The following OCA2 variants were observed in gnomAD, a reference collection of about 807,000 sequenced individuals.
OCA2 encodes P protein.
A neutral mutation model predicts 100.2 loss-of-function variants in OCA2; 77 were observed. The observed-to-expected ratio is 0.77, with a 90% CI of 0.64 to 0.93. The LOEUF (loss-of-function observed/expected upper bound fraction) is 0.93, where lower values mean the gene tolerates loss of function less well. Ranked by LOEUF, OCA2 falls within the 40% of genes least tolerant of loss-of-function variation. OCA2 has a pLI of 0.00. For missense variants in OCA2, 1,062 were observed against 1,089.1 expected (o/e 0.98, Z 0.35); for synonymous variants, 432 against 439.2 (o/e 0.98, Z 0.21).
rs1226502822 is a variant in OCA2 at position 27,955,156 on chromosome 15, A to T, written c.1842+2T>A. The T allele has an allele frequency of 1.9e-6, 3 of 1,605,666 alleles. No individual in the cohort carries two copies. In the African/African-American group the frequency reaches 4.0e-5, roughly 21 times the overall value. On this transcript the variant is annotated splice_donor_variant, in intron 17 of 23. Transcript: ENST00000354638. LOFTEE classifies it high-confidence loss of function. ...AATCCCTGAGGAAAGAAAGCTGGGT[A>T]CCTTTTTTTGGAGTTCTTGGATATT...
chr15:27,895,852 G>A (rs150092273), intron 19 of OCA2: 11 of 541,892 alleles, frequency 2.0e-5, no homozygotes, highest in Middle Eastern at 5.8e-4. Context: ...CCAAATACAG[G>A]ATGATAGTTT....
intron 23 of OCA2, among the ~76,000 whole-genome samples, chr15:27,821,464 A>C (rs909106209): frequency 6.6e-6 from 1 of 152,212 alleles, no homozygotes; most frequent in African/African-American, 2.4e-5. Context: ...GCACACATGC[A>C]GGCACAACTA....
At chr15:27,999,054 T>G in intron 9 of OCA2, among the ~76,000 whole-genome samples, 16 of 142,914 alleles carry the variant, frequency 1.1e-4, no homozygotes, top group Admixed American at 2.1e-4. Flanking sequence ...TGTTGTGGGG[T>G]GGGGAGAGGG....
At chr15:28,049,158 G>A (rs953098093) in intron 2 of OCA2, among the ~76,000 whole-genome samples, 1 of 152,094 alleles carries the variant, frequency 6.6e-6, no homozygotes, top group Non-Finnish European at 1.5e-5. Flanking sequence ...ATTTTTAAAT[G>A]GGCGAAAGAC....
At position 27,897,066 on chromosome 15, in the gene OCA2, T is replaced by A. The variant is rs1323552937; in HGVS notation, c.2080-25144A>T. On this transcript the variant is annotated intron_variant, in intron 19 of 23. Coordinates refer to ENST00000354638, the MANE Select transcript of OCA2 (RefSeq NM_000275.3). The stretch of plus-strand genomic sequence containing the variant: ...TTAGCCGGGTGTGGTGGTGGGTGCC[T>A]GTAGTCCTAGCTACTCGGGAGGCTG... Among the ~76,000 whole-genome samples, 3 of 151,994 alleles carry A rather than the reference T, an allele frequency of 2.0e-5. No homozygotes were observed. In the South Asian group the frequency reaches 6.2e-4, roughly 32 times the overall value.
At chr15:27,995,639 C>T (rs1323353920) in intron 9 of OCA2, among the ~76,000 whole-genome samples, 1 of 151,822 alleles carries the variant, frequency 6.6e-6, no homozygotes, top group African/African-American at 2.4e-5. Flanking sequence ...ATCCTCCTGC[C>T]TCAACCTCCT....
chr15:27,834,062 C>T (rs2151326564), intron 23 of OCA2, among the ~76,000 whole-genome samples: 1 of 152,148 alleles, frequency 6.6e-6, no homozygotes, highest in South Asian at 2.1e-4. Flanking sequence ...TCTTGGGGGC[C>T]CTAGATGGCT....
intron 1 of OCA2, among the ~76,000 whole-genome samples, chr15:28,091,329 A>G (rs1347012465): frequency 6.6e-6 from 1 of 152,190 alleles, no homozygotes; most frequent in Non-Finnish European, 1.5e-5. Context: ...TATGAAGACA[A>G]TATTACCCTG....
At chr15:27,906,290 C>A (rs564371292) in intron 19 of OCA2, among the ~76,000 whole-genome samples, 1 of 152,056 alleles carries the variant, frequency 6.6e-6, no homozygotes, top group East Asian at 1.9e-4. Flanking sequence ...ACATGTCCCC[C>A]ATAAATATGC....
chr15:27,733,665 G>A, the OCA2 span, among the ~76,000 whole-genome samples: 1 of 152,078 alleles, frequency 6.6e-6, no homozygotes, highest in Non-Finnish European at 1.5e-5. Context: ...TGTGTCCTGA[G>A]CATCTAAAGC....
At chr15:28,068,853 T>C (rs778899075) in intron 2 of OCA2, among the ~76,000 whole-genome samples, 3 of 152,178 alleles carry the variant, frequency 2.0e-5, no homozygotes, top group Non-Finnish European at 4.4e-5. Context: ...TATGATCATC[T>C]CAATAGATGC....
chr15:27,721,535 A>T, the OCA2 span, among the ~76,000 whole-genome samples: 1 of 152,232 alleles, frequency 6.6e-6, no homozygotes, highest in South Asian at 2.1e-4. Context: ...CAACAGCTGC[A>T]CTTCACTGTA....
At chr15:27,804,952 A>G (rs2033766638) in intron 23 of OCA2, among the ~76,000 whole-genome samples, 1 of 152,210 alleles carries the variant, frequency 6.6e-6, no homozygotes, top group Non-Finnish European at 1.5e-5. Flanking sequence ...CCACTATGGC[A>G]GACCCCCGCT....
chr15:27,803,546 A>T (rs898066848), intron 23 of OCA2, among the ~76,000 whole-genome samples: 1 of 152,224 alleles, frequency 6.6e-6, no homozygotes, highest in Non-Finnish European at 1.5e-5. Context: ...GTTCATAGGG[A>T]CAGAACAGAA....
the OCA2 span, among the ~76,000 whole-genome samples, chr15:27,742,906 GC>G: frequency 1.1e-4 from 16 of 152,312 alleles, no homozygotes; most frequent in African/African-American, 3.8e-4. Context: ...CTTAATGAAA[GC>G]CCCTGGAGGC....
intron 9 of OCA2, among the ~76,000 whole-genome samples, chr15:28,008,607 C>G (rs1287975637): frequency 2.6e-5 from 4 of 152,182 alleles, no homozygotes; most frequent in Non-Finnish European, 5.9e-5. Flanking sequence ...TATAAATGAC[C>G]CTGTCTCCTT....
chr15:27,862,476 C>T (rs56328034), intron 21 of OCA2, among the ~76,000 whole-genome samples: 35,276 of 141,718 alleles, frequency 0.25, 5,028 homozygotes, highest in East Asian at 0.56. Context: ...CCTCCTCAGA[C>T]ATTTTTTTTT....
chr15:27,949,855 C>G (rs1229843909), intron 18 of OCA2, among the ~76,000 whole-genome samples: 1 of 152,142 alleles, frequency 6.6e-6, no homozygotes, highest in East Asian at 1.9e-4. Flanking sequence ...GCCAATCAAA[C>G]TTTTCTCCTA....
chr15:27,741,548 G>A, the OCA2 span, among the ~76,000 whole-genome samples: 1 of 152,202 alleles, frequency 6.6e-6, no homozygotes, highest in Non-Finnish European at 1.5e-5. Flanking sequence ...CCTGAGTACG[G>A]TTGGGCAAGT....
Sources: gnomAD v4.1 joint callset for allele counts (sites outside exome capture counted in the v4.1 genomes callset) on GRCh38, gnomAD v4.1.1 for gene constraint, MANE v1.5 for transcripts, NCBI Gene and HGNC (gene_info 2026-07-23, HGNC 2026-07-21) for gene names.